Variants in SVOP observed in about 807,000 individuals in gnomAD.
SVOP encodes synaptic vesicle 2-related protein.
SVOP carries 17 observed loss-of-function variants against 69.1 expected under a neutral mutation model. The ratio of observed to expected loss-of-function variants is 0.25; its 90% CI spans 0.17 to 0.37. The LOEUF (loss-of-function observed/expected upper bound fraction) is 0.37, where lower values mean the gene tolerates loss of function less well. Ranked by LOEUF, SVOP falls within the 10% of genes least tolerant of loss-of-function variation. The pLI, the probability that SVOP is intolerant of heterozygous loss-of-function variation, is 1.00. For missense variants in SVOP, 435 were observed against 597.5 expected, an observed-to-expected ratio of 0.73 and a Z score of 2.84; for synonymous variants, 238 against 238.6, an observed-to-expected ratio of 1.00 and a Z score of 0.02.
chr12:109,006,793 C>T (rs1005536542), intron 1 of SVOP, among the ~76,000 whole-genome samples: 4 of 152,200 alleles, frequency 2.6e-5, no homozygotes, highest in South Asian at 2.1e-4. Flanking sequence ...AGGAAAGGCA[C>T]GCTGGCAGGT....
At chr12:108,942,658 T>C (rs543063997) in intron 7 of SVOP, among the ~76,000 whole-genome samples, 12 of 152,340 alleles carry the variant, frequency 7.9e-5, no homozygotes, top group African/African-American at 2.6e-4. Flanking sequence ...GCAGCCTTCA[T>C]CATACAACTC....
At chr12:108,989,358 C>A (rs1344796237) in intron 1 of SVOP, among the ~76,000 whole-genome samples, 1 of 152,136 alleles carries the variant, frequency 6.6e-6, no homozygotes, top group Non-Finnish European at 1.5e-5. Flanking sequence ...TAGGATTTTT[C>A]TATTTCTGAA....
intron 11 of SVOP, among the ~76,000 whole-genome samples, chr12:108,931,657 C>T (rs1257995504): frequency 6.6e-6 from 1 of 152,074 alleles, no homozygotes; most frequent in Admixed American, 6.5e-5. Flanking sequence ...CATGGTGAAA[C>T]CCCGTCTCTA....
intron 6 of SVOP, among the ~76,000 whole-genome samples, chr12:108,946,027 C>T (rs1438416739): frequency 1.3e-5 from 2 of 152,234 alleles, no homozygotes; most frequent in African/African-American, 4.8e-5. Context: ...CCTCTACCCA[C>T]CAGCTTTTAG....
At chr12:108,983,492 C>T (rs1314578839) in intron 2 of SVOP, 109 bp downstream of exon 2, 4 of 398,282 alleles carry the variant, frequency 1.0e-5, no homozygotes, top group Non-Finnish European at 1.8e-5. Flanking sequence ...CCCCTTGGCC[C>T]CCTGGGCCCT....
intron 1 of SVOP, among the ~76,000 whole-genome samples, chr12:108,988,753 T>TTCCTTC (rs368069594): frequency 1.4e-4 from 20 of 143,008 alleles, no homozygotes; most frequent in Admixed American, 7.3e-4. Context: ...TTTCTTCCTT[T>TTCCTTC]CTTACTTCTT....
At chr12:108,984,728 C>T (rs2040158306) in intron 1 of SVOP, among the ~76,000 whole-genome samples, 2 of 152,256 alleles carry the variant, frequency 1.3e-5, no homozygotes, top group East Asian at 3.9e-4. Flanking sequence ...TCATCTGGGA[C>T]TCCGGGGCAA....
chr12:108,944,758 T>C (rs2039912793), intron 7 of SVOP, among the ~76,000 whole-genome samples: 1 of 152,162 alleles, frequency 6.6e-6, no homozygotes, highest in African/African-American at 2.4e-5. Context: ...TGGGTGATGA[T>C]ATGAGTGTGG....
intron 2 of SVOP, 72 bp downstream of exon 2, chr12:108,983,529 C>G: frequency 5.0e-6 from 2 of 398,664 alleles, no homozygotes; most frequent in Non-Finnish European, 8.8e-6. Flanking sequence ...CATTACCCCT[C>G]TGAAATTGCC....
chr12:108,981,540 C>A (rs1209357660), intron 2 of SVOP, among the ~76,000 whole-genome samples: 2 of 112,848 alleles, frequency 1.8e-5, no homozygotes, highest in Admixed American at 1.7e-4. Context: ...AGAGTCAGAA[C>A]AAGGTCGTGG....
intron 6 of SVOP, among the ~76,000 whole-genome samples, chr12:108,951,294 A>G (rs990148359): frequency 1.3e-5 from 2 of 152,192 alleles, no homozygotes; most frequent in African/African-American, 4.8e-5. Context: ...GCTTACATAA[A>G]TGGTGTTTGG....
rs538387762 is a variant in SVOP, at chr12:108,962,907, G to A, written c.454-1860C>T. 6.3e-4 allele frequency among the ~76,000 whole-genome samples: 96 copies of A among 152,174 alleles called. 1 individual carries two copies. Among genetic ancestry groups the A allele is most frequent in the African/African-American group, 2.2e-3 (92 of 41,506 alleles). On this transcript the variant is annotated intron_variant, in intron 5 of 15. Coordinates refer to ENST00000610966, the MANE Select transcript of SVOP (RefSeq NM_018711.5). ...TTGAACCTGGGAGGTGGAGGTTGCA[G>A]TGAGCCAAGAACTTGCCACTGCACT...
At chr12:108,925,217 G>A (rs1052541401) in intron 11 of SVOP, among the ~76,000 whole-genome samples, 9 of 152,146 alleles carry the variant, frequency 5.9e-5, no homozygotes, top group Admixed American at 2.6e-4. Context: ...CCAGGAGGTC[G>A]GATCTTCAGT....
At chr12:108,934,357 T>G in intron 10 of SVOP, 86 bp from the exon 11 acceptor site, 13 of 1,150,170 alleles carry the variant, frequency 1.1e-5, no homozygotes, top group Non-Finnish European at 1.5e-5. Flanking sequence ...GGCCAATGTC[T>G]ACAGCAGCAG....
intron 1 of SVOP, among the ~76,000 whole-genome samples, chr12:109,000,614 T>G (rs112940720): frequency 5.1e-5 from 2 of 39,544 alleles, no homozygotes; most frequent in African/African-American, 2.1e-4. Flanking sequence ...TTATCCACCA[T>G]GATCAAGTGG....
intron 7 of SVOP, among the ~76,000 whole-genome samples, chr12:108,943,431 C>G (rs757687220): frequency 1.9e-4 from 29 of 151,516 alleles, no homozygotes; most frequent in Non-Finnish European, 3.7e-4. Flanking sequence ...CTTGTCTCTA[C>G]TAAAAATACA....
intron 1 of SVOP, among the ~76,000 whole-genome samples, chr12:108,998,728 G>A (rs1341659787): frequency 1.3e-5 from 2 of 151,024 alleles, no homozygotes; most frequent in Non-Finnish European, 3.0e-5. Flanking sequence ...ATAAGTGAAG[G>A]AGAAATAAAA....
At chr12:108,942,133 A>G (rs1207592899) in intron 7 of SVOP, among the ~76,000 whole-genome samples, 1 of 152,200 alleles carries the variant, frequency 6.6e-6, no homozygotes, top group Non-Finnish European at 1.5e-5. Flanking sequence ...CCCTGAGCAT[A>G]ATGTCCTCAA....
In SVOP at chr12:109,020,600, T is replaced by TC. The variant is rs2040391357; in HGVS notation, c.35+233dup. Among the ~76,000 whole-genome samples the TC allele has an allele frequency of 2.0e-5, 3 of 152,054 alleles. No individual in the cohort carries two copies. The South Asian group carries it at 6.2e-4, about 32-fold the overall frequency. Reference sequence around the variant, plus strand: ...AAAGGGGAATCATAACCCCCGTGGTTCCCCCATAAGGTCCTGACAGATCTG... The same window carrying TC: ...AAAGGGGAATCATAACCCCCGTGGTTCCCCCCATAAGGTCCTGACAGATCTG... On this transcript the variant is annotated intron_variant, in intron 1 of 15. Coordinates refer to ENST00000610966, the MANE Select transcript of SVOP (RefSeq NM_018711.5).
Sources: allele counts gnomAD v4.1 joint callset (sites outside exome capture counted in the v4.1 genomes callset), GRCh38; gene constraint gnomAD v4.1.1; transcripts MANE v1.5; gene names NCBI Gene and HGNC (gene_info 2026-07-23, HGNC 2026-07-21).